The following AMBRA1 variants were observed in gnomAD, a reference collection of about 807,000 sequenced individuals.
AMBRA1 encodes activating molecule in BECN1-regulated autophagy protein 1.
Under a neutral mutation model 125.4 loss-of-function variants are expected in AMBRA1, and 47 were observed. That is an observed-to-expected ratio of 0.37 (90% CI 0.30 to 0.48). AMBRA1 has a LOEUF of 0.48. Among genes scored for constraint, AMBRA1 ranks in the 20% least tolerant of loss-of-function variants. The pLI is 0.99. For synonymous variants in AMBRA1, 626 were observed against 655.5 expected (o/e 0.95, Z 0.69); for missense variants, 1,331 against 1,693.4 (o/e 0.79, Z 3.76).
At chr11:46,486,969 T>C (rs1950290766) in intron 11 of AMBRA1, among the ~76,000 whole-genome samples, 1 of 150,738 alleles carries the variant, frequency 6.6e-6, no homozygotes, top group Non-Finnish European at 1.5e-5. Flanking sequence ...ATAAAAGAGA[T>C]GAGAGGGGCC....
At chr11:46,521,717 C>T (rs966544655) in intron 7 of AMBRA1, among the ~76,000 whole-genome samples, 4 of 152,240 alleles carry the variant, frequency 2.6e-5, no homozygotes, top group African/African-American at 7.2e-5. Flanking sequence ...TTCATCTGAT[C>T]GCTGCAGGGC....
intron 1 of AMBRA1, among the ~76,000 whole-genome samples, chr11:46,565,663 C>A (rs1241692389): frequency 6.6e-6 from 1 of 151,928 alleles, no homozygotes; most frequent in African/African-American, 2.4e-5. Context: ...ACTGAGATCA[C>A]GCCACCATAC....
At chr11:46,434,541 G>T (rs1947622674) in intron 13 of AMBRA1, among the ~76,000 whole-genome samples, 1 of 152,208 alleles carries the variant, frequency 6.6e-6, no homozygotes, top group Non-Finnish European at 1.5e-5. Context: ...CCAAAGAGCT[G>T]ACACATTTTG....
intron 1 of AMBRA1, among the ~76,000 whole-genome samples, chr11:46,551,746 G>C (rs997728656): frequency 1.3e-5 from 2 of 151,906 alleles, no homozygotes; most frequent in African/African-American, 4.8e-5. Context: ...ACAAAAATTA[G>C]GCCAGGTGCA....
rs146529357 is a variant in AMBRA1, at chr11:46,542,341, T to C, written c.1676A>G (p.Asn559Ser). The change falls in exon 7 of 18, where the codon AAC becomes AGC. Residue 559 changes from asparagine to serine, a missense_variant. Asn to Ser is a conservative substitution (Grantham distance 46). This residue lies in a region of AMBRA1 where 689 missense variants were observed against 776.5 expected (regional missense o/e 0.89). Transcript: ENST00000683756. The surrounding 1 kb of genome is among the most constrained non-coding windows in gnomAD (Gnocchi z 5.9). ...PTPHSSENNS[N>S]LSRGHLNRCR... Reference sequence around the variant, plus strand: ...GCGATTCAGGTGGCCACGGGACAGGTTGGAGTTGTTCTCACTGCTGTGTGG... The same window carrying C: ...GCGATTCAGGTGGCCACGGGACAGGCTGGAGTTGTTCTCACTGCTGTGTGG... 117 of 1,614,020 alleles carry C rather than the reference T, an allele frequency of 7.2e-5. No homozygotes were observed. The highest frequency in any genetic ancestry group is 6.7e-5 in the Admixed American group (4 of 60,000).
chr11:46,545,354 C>G (rs544425000), intron 5 of AMBRA1, among the ~76,000 whole-genome samples: 29 of 152,036 alleles, frequency 1.9e-4, no homozygotes, highest in Non-Finnish European at 4.1e-4. Context: ...CCCAGCTACT[C>G]TGGAGGCTGA....
chr11:46,535,201 C>T (rs763970721), intron 7 of AMBRA1, among the ~76,000 whole-genome samples: 2 of 152,160 alleles, frequency 1.3e-5, no homozygotes, highest in Admixed American at 6.5e-5. Flanking sequence ...GAACTTCTAA[C>T]TAAGAAGAAC....
chr11:46,456,535 C>T (rs1170101724), intron 11 of AMBRA1, among the ~76,000 whole-genome samples: 1 of 152,072 alleles, frequency 6.6e-6, no homozygotes, highest in Admixed American at 6.6e-5. Flanking sequence ...GGGAAAAGGA[C>T]TGAGGGAGAA....
chr11:46,414,644 T>TG (rs1946450549), intron 15 of AMBRA1, among the ~76,000 whole-genome samples: 1 of 151,970 alleles, frequency 6.6e-6, no homozygotes, highest in African/African-American at 2.4e-5. Flanking sequence ...TGGTTATCAG[T>TG]GGGGGTGCTG....
intron 11 of AMBRA1, among the ~76,000 whole-genome samples, chr11:46,475,732 C>A (rs2136899304): frequency 6.6e-6 from 1 of 152,278 alleles, no homozygotes; most frequent in Admixed American, 6.5e-5. Flanking sequence ...AACTTGCAAC[C>A]ATCATCACTT....
intron 7 of AMBRA1, among the ~76,000 whole-genome samples, chr11:46,514,699 T>G (rs894514494): frequency 1.3e-5 from 2 of 152,006 alleles, no homozygotes; most frequent in Non-Finnish European, 2.9e-5. Context: ...GGTCTCAAAC[T>G]CCTAGCCTCA....
chr11:46,499,520 T>C (rs1950753479), intron 9 of AMBRA1, among the ~76,000 whole-genome samples: 1 of 152,234 alleles, frequency 6.6e-6, no homozygotes, highest in Non-Finnish European at 1.5e-5. Context: ...GAGCTAGAAT[T>C]CAGGTAAAGT....
Position 46,408,595 on chromosome 11 carries a change from C to A in AMBRA1, c.3321G>T (p.Leu1107=). 6.2e-7 allele frequency: 1 copy of A among 1,609,358 alleles called. No individual in the cohort carries two copies. Among genetic ancestry groups the A allele is most frequent in the Non-Finnish European group, 8.5e-7 (1 of 1,177,098 alleles). Residue 1107 remains leucine (L), a synonymous_variant, in exon 17 of 18, where the codon CTG becomes CTT. Coordinates refer to ENST00000683756, the MANE Select transcript of AMBRA1 (RefSeq NM_001387011.1). ...TTTCGGCATTCTGCAGCTGAAGGGC[C>A]AGAGTCTGGGTGCCCTGAGATGTCA... The part of the protein sequence containing the change: ...TSVTSQGTQT[L]ALQLQNAETQ...
Position 46,593,987 on chromosome 11 carries a change from C to G in AMBRA1, c.-280G>C, listed in dbSNP as rs2044699262. On this transcript the variant is annotated 5_prime_UTR_variant, in exon 1 of 18. Transcript: ENST00000683756. ...CTCGCGGACAACTCAGCCCTCGACC[C>G]GGCGCCGCCGCCGCTCAGGAGACAT... The G allele has an allele frequency of 2.5e-6, 1 of 398,686 alleles. No individual in the cohort carries two copies. Among genetic ancestry groups the G allele is most frequent in the Non-Finnish European group, 4.4e-6 (1 of 226,104 alleles). The allele number at this position is 398,686 out of a possible 1,614,324, so 24.7% of individuals were successfully genotyped here.
intron 7 of AMBRA1, among the ~76,000 whole-genome samples, chr11:46,538,033 G>A (rs928339486): frequency 6.6e-6 from 1 of 152,202 alleles, no homozygotes; most frequent in Non-Finnish European, 1.5e-5. Context: ...TGGAGAACTA[G>A]AAGCAAGGGT....
At chr11:46,500,122 G>A (rs931076228) in intron 9 of AMBRA1, among the ~76,000 whole-genome samples, 1 of 152,182 alleles carries the variant, frequency 6.6e-6, no homozygotes, top group Non-Finnish European at 1.5e-5. Flanking sequence ...GCCAAGACTA[G>A]AACCCAGGAC....
chr11:46,592,133 C>T (rs912764925), intron 1 of AMBRA1, among the ~76,000 whole-genome samples: 5 of 151,572 alleles, frequency 3.3e-5, no homozygotes, highest in Non-Finnish European at 5.9e-5. Flanking sequence ...TTAGGTTTCT[C>T]CACGTTAGTC....
At chr11:46,484,576 T>A (rs1950197300) in intron 11 of AMBRA1, among the ~76,000 whole-genome samples, 1 of 152,042 alleles carries the variant, frequency 6.6e-6, no homozygotes, top group South Asian at 2.1e-4. Context: ...TACTTTGTAC[T>A]AACTTACATT....
At chr11:46,584,220 G>C in intron 1 of AMBRA1, among the ~76,000 whole-genome samples, 1 of 147,200 alleles carries the variant, frequency 6.8e-6, no homozygotes, top group Non-Finnish European at 1.5e-5. Flanking sequence ...CATGTCCTTT[G>C]TAGGGACATG....
Sources: allele counts gnomAD v4.1 joint callset (sites outside exome capture counted in the v4.1 genomes callset), GRCh38; gene constraint gnomAD v4.1.1; regional missense constraint gnomAD v4.1.1; non-coding constraint Gnocchi (gnomAD v3.1); transcripts MANE v1.5; gene names NCBI Gene and HGNC (gene_info 2026-07-23, HGNC 2026-07-21).